IFT25: variants seen among roughly 807,000 people sequenced by gnomAD.
The protein encoded by IFT25 is intraflagellar transport 25.
the IFT25 span, among the ~76,000 whole-genome samples, chr1:53,943,814 G>A: frequency 6.6e-6 from 1 of 152,050 alleles, no homozygotes; most frequent in Non-Finnish European, 1.5e-5. Context: ...TAGAGATGGG[G>A]TTTTGCCATG....
chr1:53,924,342 C>T, the IFT25 span, among the ~76,000 whole-genome samples: 6 of 152,154 alleles, frequency 3.9e-5, no homozygotes, highest in Admixed American at 6.5e-5. Flanking sequence ...GCCATAGCCA[C>T]GGGAAACAAC....
At chr1:53,941,271 G>C in the IFT25 span, among the ~76,000 whole-genome samples, 18 of 152,138 alleles carry the variant, frequency 1.2e-4, no homozygotes, top group African/African-American at 4.3e-4. Flanking sequence ...GGGATTACAG[G>C]TGTGAGCCAC....
the IFT25 span, among the ~76,000 whole-genome samples, chr1:53,920,393 C>CTT: frequency 1.5e-4 from 21 of 136,058 alleles, no homozygotes; most frequent in East Asian, 1.9e-3. Context: ...TCAAATTGCC[C>CTT]TTTTTTTTTT....
the IFT25 span, among the ~76,000 whole-genome samples, chr1:53,915,478 T>G: frequency 1.3e-5 from 2 of 151,956 alleles, no homozygotes; most frequent in Non-Finnish European, 2.9e-5. Context: ...AGAAAAAAAT[T>G]TAAGTGGAAT....
the IFT25 span, among the ~76,000 whole-genome samples, chr1:53,931,104 C>T: frequency 2.0e-5 from 3 of 152,144 alleles, no homozygotes; most frequent in African/African-American, 4.8e-5. Context: ...CCAGACAATC[C>T]CTACCTCCCT....
At chr1:53,936,046 G>C in the IFT25 span, among the ~76,000 whole-genome samples, 1 of 151,780 alleles carries the variant, frequency 6.6e-6, no homozygotes, top group South Asian at 2.1e-4. Flanking sequence ...CTGATTATGA[G>C]GCCAGGAGTT....
the IFT25 span, among the ~76,000 whole-genome samples, chr1:53,924,964 C>G: frequency 6.6e-6 from 1 of 152,156 alleles, no homozygotes; most frequent in Non-Finnish European, 1.5e-5. Context: ...GTTTCCTAAC[C>G]CTTTTCTGAA....
the IFT25 span, among the ~76,000 whole-genome samples, chr1:53,917,401 G>A: frequency 6.6e-6 from 1 of 152,070 alleles, no homozygotes; most frequent in Non-Finnish European, 1.5e-5. Flanking sequence ...TGCTTTATAT[G>A]CATTTCAGTC....
At chr1:53,913,647 C>G in the IFT25 span, among the ~76,000 whole-genome samples, 1 of 152,152 alleles carries the variant, frequency 6.6e-6, no homozygotes, top group Non-Finnish European at 1.5e-5. Flanking sequence ...TCACCTTCTG[C>G]TATGGATTGA....
the IFT25 span, among the ~76,000 whole-genome samples, chr1:53,937,973 A>G: frequency 6.6e-6 from 1 of 152,246 alleles, no homozygotes; most frequent in Admixed American, 6.5e-5. Flanking sequence ...ACTAAATTTG[A>G]GTTAACCTAG....
At chr1:53,935,277 C>A in the IFT25 span, among the ~76,000 whole-genome samples, 4 of 152,194 alleles carry the variant, frequency 2.6e-5, no homozygotes, top group East Asian at 7.7e-4. Context: ...TGCGCCACTG[C>A]ACTCCGACAC....
the IFT25 span, among the ~76,000 whole-genome samples, chr1:53,945,044 C>T: frequency 6.6e-6 from 1 of 152,178 alleles, no homozygotes. Flanking sequence ...CCTAAGGCTT[C>T]TGTCTCCGAG....
chr1:53,937,652 T>C, the IFT25 span, among the ~76,000 whole-genome samples: 3 of 152,248 alleles, frequency 2.0e-5, 1 homozygote, highest in Non-Finnish European at 4.4e-5. Context: ...CTTAATGTTC[T>C]ATAAACATAT....
chr1:53,924,697 T>TGTG, the IFT25 span, among the ~76,000 whole-genome samples: 1 of 151,680 alleles, frequency 6.6e-6, no homozygotes, highest in Non-Finnish European at 1.5e-5. Context: ...ATTAGCCGGG[T>TGTG]GTGGTGGCAG....
the IFT25 span, among the ~76,000 whole-genome samples, chr1:53,914,498 CCCA>C: frequency 6.6e-6 from 1 of 151,656 alleles, no homozygotes; most frequent in Non-Finnish European, 1.5e-5. Flanking sequence ...AAATTCATAT[CCCA>C]TTATAAAATG....
chr1:53,935,939 A>G, the IFT25 span, among the ~76,000 whole-genome samples: 1 of 152,190 alleles, frequency 6.6e-6, no homozygotes, highest in Non-Finnish European at 1.5e-5. Flanking sequence ...CCAATAGAAT[A>G]ACATAAAATA....
At chr1:53,917,364 C>T in the IFT25 span, among the ~76,000 whole-genome samples, 1 of 152,150 alleles carries the variant, frequency 6.6e-6, no homozygotes, top group Non-Finnish European at 1.5e-5. Flanking sequence ...CCATTTCAGT[C>T]ATCCATAGTT....
the IFT25 span, among the ~76,000 whole-genome samples, chr1:53,912,096 G>C: frequency 9.2e-5 from 14 of 152,060 alleles, no homozygotes; most frequent in Admixed American, 7.9e-4. Context: ...GACAATGATG[G>C]GACTGAAGCA....
At chr1:53,945,892 TCGCTCCACCGAGTTCCCGGGCGC>T in the IFT25 span, 1 of 51,378 alleles carries the variant, frequency 1.9e-5, no homozygotes, top group Non-Finnish European at 3.0e-5. Context: ...CCGGGCGCGC[TCGCTCCACCGAGTTCCCGGGCGC>T]GCTCGCTCCT....
Sources: allele counts gnomAD v4.1 joint callset (sites outside exome capture counted in the v4.1 genomes callset), GRCh38; gene constraint gnomAD v4.1.1; transcripts MANE v1.5; gene names NCBI Gene and HGNC (gene_info 2026-07-23, HGNC 2026-07-21).